The following MACROD2 variants were observed in gnomAD, a reference collection of about 807,000 sequenced individuals.
The protein encoded by MACROD2 is ADP-ribose glycohydrolase MACROD2.
In MACROD2, 36 loss-of-function variants were observed where a neutral mutation model predicts 70.4. The observed-to-expected ratio is 0.51, with a 90% CI of 0.39 to 0.68. The LOEUF (loss-of-function observed/expected upper bound fraction) is 0.68. MACROD2 is among the 30% of genes least tolerant of loss of function. The probability of loss-of-function intolerance (pLI) is 0.00; values close to 1 mark genes in which losing one functional copy is unlikely to be tolerated. For missense variants in MACROD2, 496 were observed against 538.4 expected, an observed-to-expected ratio of 0.92 and a Z score of 0.78; for synonymous variants, 172 against 178.8, an observed-to-expected ratio of 0.96 and a Z score of 0.30.
intron 12 of MACROD2, among the ~76,000 whole-genome samples, chr20:15,960,337 A>T (rs2066041884): frequency 6.6e-6 from 1 of 152,094 alleles, no homozygotes; most frequent in Admixed American, 6.5e-5. Context: ...AACTTTCCCT[A>T]ACACTCCATA....
chr20:15,410,058 A>G (rs1474508996), intron 6 of MACROD2, among the ~76,000 whole-genome samples: 1 of 152,192 alleles, frequency 6.6e-6, no homozygotes. Flanking sequence ...TCTTTAAAAA[A>G]AATCTTTTTT....
At chr20:14,348,817 C>T (rs970266320) in intron 3 of MACROD2, among the ~76,000 whole-genome samples, 1 of 152,158 alleles carries the variant, frequency 6.6e-6, no homozygotes, top group African/African-American at 2.4e-5. Context: ...TTTCAATTAA[C>T]AGCACTTTGG....
At chr20:15,527,854 TTCTG>T (rs1176095618) in intron 8 of MACROD2, among the ~76,000 whole-genome samples, 1 of 152,246 alleles carries the variant, frequency 6.6e-6, no homozygotes, top group Non-Finnish European at 1.5e-5. Flanking sequence ...CTTCAGTGCC[TTCTG>T]TCTTTTTCTC....
chr20:15,663,329 G>C (rs1010938634), intron 8 of MACROD2, among the ~76,000 whole-genome samples: 1 of 151,226 alleles, frequency 6.6e-6, no homozygotes, highest in African/African-American at 2.4e-5. Flanking sequence ...TCCGACTCTG[G>C]GGTCAAGCGA....
At position 14,880,903 on chromosome 20, in the gene MACROD2, G is replaced by A. The variant is rs555992647; in HGVS notation, c.418+195944G>A. On this transcript the variant is annotated intron_variant, in intron 5 of 17. Transcript: ENST00000684519. Reference sequence around the variant, plus strand: ...CCTCTTGTTGCTGGGAGCTACTGCCGCCCAGCGTGGGCAGCTGCAATCACA... The same window carrying A: ...CCTCTTGTTGCTGGGAGCTACTGCCACCCAGCGTGGGCAGCTGCAATCACA... Among the ~76,000 whole-genome samples the A allele has an allele frequency of 8.5e-5, 13 of 152,198 alleles. No homozygotes were observed. In the East Asian group the frequency reaches 1.2e-3, roughly 14 times the overall value.
At chr20:15,385,350 A>G (rs965630885) in intron 6 of MACROD2, among the ~76,000 whole-genome samples, 5 of 152,188 alleles carry the variant, frequency 3.3e-5, no homozygotes, top group African/African-American at 1.2e-4. Flanking sequence ...TGCAAATGTA[A>G]TATATCCATT....
chr20:15,278,876 T>G (rs903189312), intron 6 of MACROD2, among the ~76,000 whole-genome samples: 5 of 152,206 alleles, frequency 3.3e-5, no homozygotes, highest in Non-Finnish European at 7.3e-5. Flanking sequence ...GTGACAGTCC[T>G]TACCTCTGAC....
chr20:15,121,619 TAAG>T (rs1230135093), intron 5 of MACROD2, among the ~76,000 whole-genome samples: 1 of 152,124 alleles, frequency 6.6e-6, no homozygotes, highest in Non-Finnish European at 1.5e-5. Flanking sequence ...ATGTCTAGGC[TAAG>T]TTTTCTTAGG....
At chr20:14,444,085 C>G (rs963688587) in intron 3 of MACROD2, among the ~76,000 whole-genome samples, 1 of 152,072 alleles carries the variant, frequency 6.6e-6, no homozygotes, top group Non-Finnish European at 1.5e-5. Flanking sequence ...TAATTAGTGT[C>G]ACTGTTATTC....
intron 2 of MACROD2, among the ~76,000 whole-genome samples, chr20:14,085,024 T>TG (rs1555917302): frequency 5.7e-4 from 4 of 6,962 alleles, no homozygotes; most frequent in Admixed American, 1.5e-3. Flanking sequence ...GCTACTTGGT[T>TG]GGGGGGTGGG....
chr20:14,820,186 G>A (rs984305218), intron 5 of MACROD2, among the ~76,000 whole-genome samples: 8 of 151,996 alleles, frequency 5.3e-5, no homozygotes, highest in Non-Finnish European at 1.2e-4. Context: ...GTAAATGTTA[G>A]TGAAATAGCT....
chr20:14,672,753 C>T (rs999519288), intron 4 of MACROD2, among the ~76,000 whole-genome samples: 2 of 152,084 alleles, frequency 1.3e-5, no homozygotes, highest in Non-Finnish European at 2.9e-5. Flanking sequence ...TTTTAATTAC[C>T]AGATCTGTGG....
At chr20:14,262,732 C>T (rs1446433445) in intron 3 of MACROD2, among the ~76,000 whole-genome samples, 1 of 152,086 alleles carries the variant, frequency 6.6e-6, no homozygotes, top group Non-Finnish European at 1.5e-5. Context: ...AATAAGAAGG[C>T]CTGCTCAATA....
intron 11 of MACROD2, among the ~76,000 whole-genome samples, chr20:15,935,562 G>T (rs1301412324): frequency 6.6e-6 from 1 of 152,102 alleles, no homozygotes; most frequent in African/African-American, 2.4e-5. Flanking sequence ...ATATAGCTCT[G>T]CAGGCCTCTT....
At chr20:14,921,734 G>A (rs920301826) in intron 5 of MACROD2, among the ~76,000 whole-genome samples, 4 of 151,516 alleles carry the variant, frequency 2.6e-5, no homozygotes, top group Admixed American at 1.3e-4. Context: ...TAATTGTTTG[G>A]TATATTGTAA....
chr20:14,370,258 G>A (rs898762674), intron 3 of MACROD2, among the ~76,000 whole-genome samples: 1 of 151,964 alleles, frequency 6.6e-6, no homozygotes, highest in South Asian at 2.1e-4. Context: ...TTAATAATTA[G>A]CAGTTAATGG....
chr20:14,210,279 G>A (rs932425084), intron 3 of MACROD2, among the ~76,000 whole-genome samples: 7 of 152,184 alleles, frequency 4.6e-5, no homozygotes, highest in African/African-American at 1.7e-4. Context: ...AAGTGAATTG[G>A]ACTAGAGAAA....
intron 8 of MACROD2, among the ~76,000 whole-genome samples, chr20:15,779,129 G>A (rs973261978): frequency 2.0e-5 from 3 of 152,058 alleles, no homozygotes; most frequent in African/African-American, 7.2e-5. Flanking sequence ...GATCCCAGGA[G>A]TTACCTGGAG....
chr20:14,047,112 A>G (rs1012929483), intron 2 of MACROD2, among the ~76,000 whole-genome samples: 2 of 152,226 alleles, frequency 1.3e-5, no homozygotes, highest in African/African-American at 4.8e-5. Flanking sequence ...GCAATGGTAT[A>G]TATAGTTTTA....
Sources: gnomAD v4.1 joint callset for allele counts (sites outside exome capture counted in the v4.1 genomes callset) on GRCh38, gnomAD v4.1.1 for gene constraint, MANE v1.5 for transcripts, NCBI Gene and HGNC (gene_info 2026-07-23, HGNC 2026-07-21) for gene names.